The following PALLD variants were observed in gnomAD, a reference collection of about 807,000 sequenced individuals.
PALLD encodes palladin.
In PALLD, 61 loss-of-function variants were observed where a neutral mutation model predicts 123.5. The ratio of observed to expected loss-of-function variants is 0.49; its 90% CI spans 0.40 to 0.61. PALLD has a LOEUF of 0.61. PALLD is among the 20% of genes least tolerant of loss of function. PALLD has a pLI of 0.00. For synonymous variants in PALLD, 465 were observed against 496.4 expected (o/e 0.94, Z 0.84); for missense variants, 1,273 against 1,377.0 (o/e 0.92, Z 1.20).
intron 10 of PALLD, among the ~76,000 whole-genome samples, chr4:168,776,149 C>T (rs1483215818): frequency 6.6e-6 from 1 of 152,156 alleles, no homozygotes; most frequent in Admixed American, 6.5e-5. Flanking sequence ...AAAAACATTG[C>T]ATCTCATGTC....
chr4:168,766,405 CA>C (rs139050192), intron 10 of PALLD, among the ~76,000 whole-genome samples: 20,665 of 152,184 alleles, frequency 0.14, 1,776 homozygotes, highest in Non-Finnish European at 0.19. Flanking sequence ...TGAAAGAACC[CA>C]CATTTTCAGG....
intron 10 of PALLD, among the ~76,000 whole-genome samples, chr4:168,840,069 A>G (rs765544294): frequency 2.0e-5 from 3 of 152,234 alleles, no homozygotes; most frequent in Non-Finnish European, 2.9e-5. Context: ...ATTTGTCTTC[A>G]TAACTATAAA....
intron 8 of PALLD, among the ~76,000 whole-genome samples, chr4:168,698,594 A>T (rs1783381139): frequency 6.6e-6 from 1 of 152,098 alleles, no homozygotes; most frequent in South Asian, 2.1e-4. Flanking sequence ...CTGGATGCCC[A>T]CATGAGGCCC....
intron 6 of PALLD, among the ~76,000 whole-genome samples, chr4:168,689,067 G>T (rs1006320985): frequency 6.6e-6 from 1 of 152,162 alleles, no homozygotes; most frequent in Non-Finnish European, 1.5e-5. Context: ...AAGAAAGAAC[G>T]CAATCAGAAA....
intron 10 of PALLD, among the ~76,000 whole-genome samples, chr4:168,819,731 AT>A (rs1033372010): frequency 2.0e-5 from 3 of 152,202 alleles, no homozygotes; most frequent in African/African-American, 7.2e-5. Flanking sequence ...TGCAGAAATT[AT>A]TTACACACCC....
Position 168,839,510 on chromosome 4 carries a change from G to GA in PALLD, c.1965-51410dup, listed in dbSNP as rs1189902545. 2.0e-5 allele frequency among the ~76,000 whole-genome samples: 3 copies of GA among 149,592 alleles called. No individual in the cohort carries two copies. In the East Asian group the frequency reaches 6.1e-4, roughly 30 times the overall value. ...CTGAGCGAATGGCAAAGGAACTGAT[G>GA]AAGCAGGTGGATTCCAAGGCTAGTT... is the stretch of plus-strand genomic sequence containing the variant. On this transcript the variant is annotated intron_variant, in intron 10 of 21. Transcript: ENST00000505667.
At chr4:168,534,045 A>C (rs922569240) in intron 2 of PALLD, among the ~76,000 whole-genome samples, 8 of 152,156 alleles carry the variant, frequency 5.3e-5, no homozygotes, top group Admixed American at 1.3e-4. Context: ...TCATACAGGC[A>C]TCTCTTCATT....
At chr4:168,630,871 G>C (rs572022041) in intron 2 of PALLD, among the ~76,000 whole-genome samples, 4 of 152,126 alleles carry the variant, frequency 2.6e-5, no homozygotes, top group Non-Finnish European at 5.9e-5. Flanking sequence ...TTTATTAAAC[G>C]GTTGGTTTTG....
At chr4:168,807,688 C>T (rs1188457543) in intron 10 of PALLD, among the ~76,000 whole-genome samples, 2 of 150,770 alleles carry the variant, frequency 1.3e-5, no homozygotes, top group African/African-American at 4.9e-5. Flanking sequence ...TGATTACAGG[C>T]GTGAGCCACC....
chr4:168,693,681 CA>C (rs1554065773), intron 8 of PALLD, among the ~76,000 whole-genome samples: 2 of 152,112 alleles, frequency 1.3e-5, no homozygotes, highest in South Asian at 2.1e-4. Flanking sequence ...GTCAATACAC[CA>C]AAAAATATTA....
chr4:168,685,504 A>G lies in PALLD; in HGVS notation c.1280A>G (p.Tyr427Cys), dbSNP rs769337733. ...PVQQVHSPTS[Y>C]LCRPDGTTTA... ...TTGCAGGTTCACAGTCCAACTTCAT[A>G]TCTCTGCCGACCTGATGGAACCACT... The change falls in exon 6 of 22, where the codon TAT (tyrosine) becomes TGT (cysteine). Residue 427 changes from tyrosine to cysteine, a missense_variant. Physicochemically the swap from Tyr to Cys is radical, Grantham distance 194. This residue lies in a region of PALLD where 944 missense variants were observed against 954.5 expected (regional missense o/e 0.99). Transcript: ENST00000505667. The G allele has an allele frequency of 1.2e-6, 2 of 1,612,006 alleles. No individual in the cohort carries two copies. The highest frequency in any genetic ancestry group is 1.1e-5 in the South Asian group (1 of 91,036).
chr4:168,818,461 G>A (rs933205442), intron 10 of PALLD, among the ~76,000 whole-genome samples: 8 of 152,222 alleles, frequency 5.3e-5, no homozygotes, highest in South Asian at 4.1e-4. Flanking sequence ...AAAGCCAGAC[G>A]TGGCGGTGCA....
At chr4:168,563,973 C>G (rs1411673952) in intron 2 of PALLD, among the ~76,000 whole-genome samples, 1 of 152,096 alleles carries the variant, frequency 6.6e-6, no homozygotes, top group Non-Finnish European at 1.5e-5. Flanking sequence ...GATAATACAC[C>G]TCGTACCCAT....
chr4:168,575,770 G>C (rs1372480349), intron 2 of PALLD, among the ~76,000 whole-genome samples: 2 of 152,114 alleles, frequency 1.3e-5, no homozygotes, highest in Non-Finnish European at 2.9e-5. Context: ...TGGGGCTTGA[G>C]ATTCTGCATT....
intron 10 of PALLD, among the ~76,000 whole-genome samples, chr4:168,770,795 A>T (rs949922802): frequency 1.3e-5 from 2 of 152,132 alleles, no homozygotes; most frequent in African/African-American, 2.4e-5. Context: ...GCCATGGCTC[A>T]CCCCTGTAAT....
chr4:168,690,626 G>A lies in PALLD; in HGVS notation c.1359G>A (p.Ala453=), dbSNP rs766551069. 79 of 1,614,058 alleles carry A rather than the reference G, an allele frequency of 4.9e-5. 1 individual carries two copies. The highest frequency in any genetic ancestry group is 8.3e-5 in the Admixed American group (5 of 59,994). The change falls in exon 7 of 22, where the codon GCG becomes GCA. Residue 453 remains alanine, a synonymous_variant. Transcript: ENST00000505667. ...AGGAACTGCAAAACACAGCCGTGGC[G>A]GAAGGCCAGGTGGTGGTTCTGGAGT... ...FTKELQNTAV[A]EGQVVVLECR... is the part of the protein sequence containing the mutation.
chr4:168,526,958 C>G (rs6848015), intron 2 of PALLD, among the ~76,000 whole-genome samples: 129,439 of 152,240 alleles, frequency 0.85, 55,438 homozygotes, highest in African/African-American at 0.95. Flanking sequence ...TGATAGTTCA[C>G]TGCTAGAGAC....
intron 15 of PALLD, among the ~76,000 whole-genome samples, chr4:168,909,181 C>A (rs1046532983): frequency 6.6e-6 from 1 of 152,180 alleles, no homozygotes; most frequent in African/African-American, 2.4e-5. Flanking sequence ...GACATCTAAA[C>A]ACGAATGTTT....
chr4:168,526,473 T>C (rs1764057224), intron 2 of PALLD, among the ~76,000 whole-genome samples: 1 of 152,100 alleles, frequency 6.6e-6, no homozygotes, highest in South Asian at 2.1e-4. Context: ...GGGTTCATCT[T>C]CTCTCTCTCA....
Sources: gnomAD v4.1 joint callset for allele counts (sites outside exome capture counted in the v4.1 genomes callset) on GRCh38, gnomAD v4.1.1 for gene constraint, gnomAD v4.1.1 regional missense constraint, MANE v1.5 for transcripts, NCBI Gene and HGNC (gene_info 2026-07-23, HGNC 2026-07-21) for gene names.